Variants in CDH4 observed in about 807,000 individuals in gnomAD.
CDH4 encodes the protein cadherin 4, also known as cadherin-4.
A neutral mutation model predicts 86.0 loss-of-function variants in CDH4; 33 were observed. The ratio of observed to expected loss-of-function variants is 0.38; its 90% confidence interval spans 0.29 to 0.51. The LOEUF is 0.51. Ranked by LOEUF, CDH4 falls within the 20% of genes least tolerant of loss-of-function variation. The probability of loss-of-function intolerance (pLI) is 0.86; values close to 1 mark genes in which losing one functional copy is unlikely to be tolerated. For synonymous variants in CDH4, 555 were observed against 549.4 expected (o/e 1.01, Z -0.14); for missense variants, 1,114 against 1,307.4 (o/e 0.85, Z 2.28).
chr20:61,265,648 A>G (rs145091667), intron 2 of CDH4, among the ~76,000 whole-genome samples: 2 of 151,974 alleles, frequency 1.3e-5, no homozygotes, highest in Non-Finnish European at 2.9e-5. Flanking sequence ...ATGGACCTCA[A>G]TGGTTCCTTC....
intron 7 of CDH4, among the ~76,000 whole-genome samples, chr20:61,892,985 G>A: frequency 7.1e-6 from 1 of 140,822 alleles, no homozygotes; most frequent in Non-Finnish European, 1.5e-5. Context: ...TAGATGGGTG[G>A]ATGGGTGAGT....
Position 61,929,676 on chromosome 20 carries a change from C to T in CDH4, c.2073C>T (p.Ile691=), listed in dbSNP as rs6061902. The T allele has an allele frequency of 3.6e-3, 5,873 of 1,614,118 alleles. 178 individuals carry two copies. In the African/African-American group the frequency reaches 0.066, roughly 18 times the overall value. The change falls in exon 13 of 16, where the codon ATC becomes ATT. Residue 691 remains isoleucine (I), a synonymous_variant. Coordinates refer to ENST00000614565, the MANE Select transcript of CDH4 (RefSeq NM_001794.5). ...LEAGMYDVPI[I]VTDSGNPPLS... ...CCGGGATGTATGACGTCCCCATCAT[C>T]GTCACAGACTCTGGAAACCCTCCCC...
intron 2 of CDH4, among the ~76,000 whole-genome samples, chr20:61,659,918 C>T (rs1050576436): frequency 4.6e-5 from 7 of 152,346 alleles, no homozygotes; most frequent in African/African-American, 1.7e-4. Flanking sequence ...AGTCTGTCCC[C>T]ACCGTGTCTC....
intron 2 of CDH4, among the ~76,000 whole-genome samples, chr20:61,536,297 C>T (rs2145648661): frequency 6.6e-6 from 1 of 152,304 alleles, no homozygotes; most frequent in Admixed American, 6.5e-5. Context: ...GAGGCTCTGC[C>T]AACAGGGCTG....
intron 4 of CDH4, among the ~76,000 whole-genome samples, chr20:61,778,232 T>G (rs1434676405): frequency 6.6e-6 from 1 of 152,100 alleles, no homozygotes; most frequent in Non-Finnish European, 1.5e-5. Flanking sequence ...GAAGCCCCAA[T>G]CACAGAGACG....
At chr20:61,787,194 T>C (rs1341890349) in intron 4 of CDH4, among the ~76,000 whole-genome samples, 3 of 152,058 alleles carry the variant, frequency 2.0e-5, no homozygotes, top group Admixed American at 6.6e-5. Flanking sequence ...AGCCTTTCCA[T>C]GTCAAGCACC....
At chr20:61,922,970 C>CTATTTCCAAATAA (rs2054998345) in intron 9 of CDH4, among the ~76,000 whole-genome samples, 1 of 152,218 alleles carries the variant, frequency 6.6e-6, no homozygotes, top group Non-Finnish European at 1.5e-5. Flanking sequence ...TGTACAAAGA[C>CTATTTCCAAATAA]GCTATTTCCA....
intron 2 of CDH4, among the ~76,000 whole-genome samples, chr20:61,386,001 T>A (rs1025316917): frequency 6.6e-6 from 1 of 152,144 alleles, no homozygotes; most frequent in Non-Finnish European, 1.5e-5. Flanking sequence ...TCCTAGCGCC[T>A]GGGGACGCTC....
rs1443247864 is a variant in CDH4, at chr20:61,938,695, A to G, written c.*1752A>G. On this transcript the variant is annotated 3_prime_UTR_variant, in exon 16 of 16. Coordinates refer to ENST00000614565, the MANE Select transcript of CDH4 (RefSeq NM_001794.5). Reference sequence around the variant, plus strand: ...GGGGCCCCGGCCCCCACCTCAGCCTATGGCCCTTCCCCATGGCTAAGGTCA... The same window carrying G: ...GGGGCCCCGGCCCCCACCTCAGCCTGTGGCCCTTCCCCATGGCTAAGGTCA... 6.6e-6 allele frequency: 1 copy of G among 152,452 alleles called. No individual in the cohort carries two copies. The highest frequency in any genetic ancestry group is 1.9e-4 in the East Asian group (1 of 5,188). 9.4% of individuals were successfully genotyped at this position (152,452 alleles called of 1,614,324 possible). A position where few individuals can be genotyped will look rare whatever the true frequency, so the allele number is the denominator to read the frequency against.
intron 9 of CDH4, among the ~76,000 whole-genome samples, chr20:61,919,841 G>T (rs1461768969): frequency 1.8e-5 from 1 of 54,938 alleles, no homozygotes; most frequent in Non-Finnish European, 4.1e-5. Context: ...GGAAGCGTGT[G>T]ATTGTGTGGA....
In CDH4 at chr20:61,666,997, C is replaced by T. The variant is rs2087332756; in HGVS notation, c.170-76566C>T. On this transcript the variant is annotated intron_variant, in intron 2 of 15. Transcript: ENST00000614565. Reference sequence around the variant, plus strand: ...AGTCTGTATGTCCAGACGACTGCTCCCTGGCAGCCCACGCAGTGCTGGCAC... The same window carrying T: ...AGTCTGTATGTCCAGACGACTGCTCTCTGGCAGCCCACGCAGTGCTGGCAC... 2.6e-5 allele frequency among the ~76,000 whole-genome samples: 4 copies of T among 152,370 alleles called. No individual in the cohort carries two copies. The South Asian group carries it at 8.3e-4, about 32-fold the overall frequency.
intron 2 of CDH4, among the ~76,000 whole-genome samples, chr20:61,690,393 C>T (rs972069124): frequency 3.9e-5 from 6 of 152,124 alleles, no homozygotes; most frequent in African/African-American, 1.4e-4. Flanking sequence ...ATTCAAAGAC[C>T]AACTCTGAGT....
chr20:61,839,651 AC>A (rs1257863543), intron 4 of CDH4, among the ~76,000 whole-genome samples: 1 of 150,068 alleles, frequency 6.7e-6, no homozygotes, highest in Non-Finnish European at 1.5e-5. Context: ...TGTGTCGTGT[AC>A]ATGTTTGTGT....
chr20:61,710,141 A>G (rs2087874391), intron 2 of CDH4, among the ~76,000 whole-genome samples: 1 of 152,108 alleles, frequency 6.6e-6, no homozygotes, highest in African/African-American at 2.4e-5. Flanking sequence ...GCATAGCCCT[A>G]GGCACTATCA....
In CDH4 at chr20:61,860,815, G is replaced by A. The variant is rs551020743; in HGVS notation, c.877+7917G>A. Among the ~76,000 whole-genome samples, 7 of 152,134 alleles carry A rather than the reference G, an allele frequency of 4.6e-5. No homozygotes were observed. The East Asian group carries it at 1.4e-3, about 30-fold the overall frequency. On this transcript the variant is annotated intron_variant, in intron 6 of 15. Coordinates refer to ENST00000614565, the MANE Select transcript of CDH4 (RefSeq NM_001794.5). The stretch of plus-strand genomic sequence containing the variant: ...GGCCCACAGGCTGTGTTTCCCAAGG[G>A]CTCCTCCTGCAGGATCCTGGCATTT...
At position 61,928,389 on chromosome 20, in the gene CDH4, C is replaced by T. The variant is rs200482576; in HGVS notation, c.1971C>T (p.Ala657=). The change falls in exon 12 of 16, where the codon GCC becomes GCT. Residue 657 remains alanine (A), a synonymous_variant. Transcript: ENST00000614565. ...YVFELPFVPA[A]VRKNWTITRL... Reference sequence around the variant, plus strand: ...TCGAGCTGCCCTTTGTCCCGGCGGCCGTGCGGAAGAACTGGACCATCACCC... The same window carrying T: ...TCGAGCTGCCCTTTGTCCCGGCGGCTGTGCGGAAGAACTGGACCATCACCC... The T allele has an allele frequency of 1.9e-5, 31 of 1,611,948 alleles. No individual in the cohort carries two copies. Among genetic ancestry groups the T allele is most frequent in the East Asian group, 8.9e-5 (4 of 44,882 alleles).
At chr20:61,632,351 C>T (rs1012561012) in intron 2 of CDH4, among the ~76,000 whole-genome samples, 2 of 152,148 alleles carry the variant, frequency 1.3e-5, no homozygotes, top group Admixed American at 6.5e-5. Flanking sequence ...CACTATATCA[C>T]CCCCAACAAT....
chr20:61,415,132 G>A (rs1468723085), intron 2 of CDH4, among the ~76,000 whole-genome samples: 2 of 152,168 alleles, frequency 1.3e-5, no homozygotes, highest in Non-Finnish European at 2.9e-5. Context: ...TCTCCAAGTG[G>A]GGTCCCCACA....
intron 2 of CDH4, among the ~76,000 whole-genome samples, chr20:61,741,922 T>G (rs1332534485): frequency 2.0e-5 from 3 of 152,168 alleles, no homozygotes; most frequent in Admixed American, 2.0e-4. Flanking sequence ...TGCATTAGTT[T>G]TATTAGGAAT....
Sources: allele counts gnomAD v4.1 joint callset (sites outside exome capture counted in the v4.1 genomes callset), GRCh38; gene constraint gnomAD v4.1.1; transcripts MANE v1.5; gene names NCBI Gene and HGNC (gene_info 2026-07-23, HGNC 2026-07-21).